Variants in BCLAF3 observed in about 807,000 individuals in gnomAD.
BCLAF3 encodes BCLAF1 and THRAP3 family member 3.
Under a neutral mutation model 51.2 loss-of-function variants are expected in BCLAF3, and 24 were observed. The observed-to-expected ratio is 0.47, with a 90% CI of 0.34 to 0.66. The LOEUF (loss-of-function observed/expected upper bound fraction) is 0.66, where lower values mean the gene tolerates loss of function less well. Ranked by LOEUF, BCLAF3 falls within the 30% of genes least tolerant of loss-of-function variation. The probability of loss-of-function intolerance (pLI) is 0.01; values close to 1 mark genes in which losing one functional copy is unlikely to be tolerated. For synonymous variants in BCLAF3, 152 were observed against 176.6 expected (o/e 0.86, Z 1.10); for missense variants, 465 against 525.1 (o/e 0.89, Z 1.12).
intron 9 of BCLAF3, chrX:19,937,207 A>G (rs2070798555): frequency 2.6e-6 from 1 of 385,155 alleles, no homozygotes. Flanking sequence ...TAGATTTATT[A>G]GCTTTATTTA....
rs1180254609 is a variant in BCLAF3, at chrX:19,916,218, A to G, written c.*1087T>C. ...TCCAAGGCTATAAGTCTCAAACAAA[A>G]TTAAAATAATGCTCTCACAAACTGG... On this transcript the variant is annotated 3_prime_UTR_variant, in exon 12 of 12. Coordinates refer to ENST00000379682, the MANE Select transcript of BCLAF3 (RefSeq NM_001367774.2). The G allele has an allele frequency of 8.9e-6, 1 of 112,904 alleles. No homozygotes were observed. The highest frequency in any genetic ancestry group is 1.9e-5 in the Non-Finnish European group (1 of 53,287). 9.3% of individuals were successfully genotyped at this position (112,904 alleles called of 1,213,427 possible).
intron 4 of BCLAF3, among the ~76,000 whole-genome samples, chrX:19,964,731 C>A (rs1020214293): frequency 2.7e-4 from 30 of 111,664 alleles, no homozygotes; most frequent in Non-Finnish European, 5.6e-4. Context: ...CTCTACCCAG[C>A]TAATCCTTGG....
intron 4 of BCLAF3, among the ~76,000 whole-genome samples, chrX:19,958,401 A>G (rs1171196731): frequency 8.9e-6 from 1 of 112,055 alleles, no homozygotes; most frequent in Non-Finnish European, 1.9e-5. Flanking sequence ...TACGACACAT[A>G]TAAAGTTTTC....
At chrX:19,985,166 T>A (rs2072756292) in intron 1 of BCLAF3, 1 of 111,975 alleles carries the variant, frequency 8.9e-6, no homozygotes, top group African/African-American at 3.2e-5. Flanking sequence ...AGCCTACAAA[T>A]CCAATTTTAT....
At chrX:19,989,478 AGAGT>A (rs1441963846) in intron 1 of BCLAF3, among the ~76,000 whole-genome samples, 1 of 112,369 alleles carries the variant, frequency 8.9e-6, no homozygotes, top group East Asian at 2.8e-4. Flanking sequence ...CCTGGGCGAC[AGAGT>A]GAGATTCGAA....
intron 9 of BCLAF3, 54 bp from the exon 10 acceptor site, chrX:19,935,952 A>C (rs1406269509): frequency 8.2e-6 from 8 of 980,951 alleles, no homozygotes; most frequent in Non-Finnish European, 1.2e-5. Flanking sequence ...TTTACTTTAA[A>C]AGCTTGTTTT....
intron 8 of BCLAF3, among the ~76,000 whole-genome samples, chrX:19,942,274 T>A (rs1409852036): frequency 4.0e-4 from 8 of 20,087 alleles, no homozygotes; most frequent in African/African-American, 8.5e-4. Flanking sequence ...TTCCTTCTCC[T>A]GCCTGATTGC....
At chrX:19,987,244 C>T (rs1253713081) in intron 1 of BCLAF3, among the ~76,000 whole-genome samples, 1 of 111,881 alleles carries the variant, frequency 8.9e-6, no homozygotes, top group African/African-American at 3.2e-5. Context: ...CTCCAAATAA[C>T]GTGGTCAATT....
chrX:19,982,857 C>A (rs1020520193), intron 1 of BCLAF3, among the ~76,000 whole-genome samples: 1 of 110,616 alleles, frequency 9.0e-6, no homozygotes, highest in Non-Finnish European at 1.9e-5. Context: ...GCTTAATCCA[C>A]CTATTACAAT....
intron 1 of BCLAF3, among the ~76,000 whole-genome samples, chrX:19,984,725 G>A: frequency 9.4e-6 from 1 of 106,718 alleles, no homozygotes; most frequent in Non-Finnish European, 1.9e-5. Flanking sequence ...CACTCTTGTT[G>A]CCCAGGCTGG....
intron 8 of BCLAF3, among the ~76,000 whole-genome samples, chrX:19,941,617 T>C (rs1296365416): frequency 9.1e-6 from 1 of 109,773 alleles, no homozygotes; most frequent in East Asian, 2.8e-4. Flanking sequence ...CTCTGTTCTG[T>C]TCCATTGATC....
intron 1 of BCLAF3, among the ~76,000 whole-genome samples, chrX:19,976,151 T>C (rs2072416771): frequency 8.9e-6 from 1 of 111,740 alleles, no homozygotes; most frequent in East Asian, 2.8e-4. Flanking sequence ...AAACTCCTCA[T>C]CTCCCTCCAA....
chrX:19,975,546 G>A (rs977303561), intron 1 of BCLAF3, among the ~76,000 whole-genome samples: 36 of 111,303 alleles, frequency 3.2e-4, no homozygotes, highest in Middle Eastern at 4.2e-3. Context: ...GTTTCACCAC[G>A]TTGGCCAGGC....
intron 8 of BCLAF3, among the ~76,000 whole-genome samples, chrX:19,945,245 T>G (rs1223723639): frequency 2.8e-5 from 3 of 109,041 alleles, no homozygotes; most frequent in Non-Finnish European, 5.7e-5. Context: ...CAGAGTAATT[T>G]GATCGTCTGA....
In BCLAF3 at chrX:19,965,768, G is replaced by A. The variant is rs1603332353; in HGVS notation, c.612-62C>T. The A allele has an allele frequency of 9.6e-6, 10 of 1,039,963 alleles. No individual in the cohort carries two copies. The East Asian group carries it at 2.8e-4, about 29-fold the overall frequency. 85.7% of individuals were successfully genotyped at this position (1,039,963 alleles called of 1,213,427 possible). ...GAGAAGAAAGGGAGAATTTATATGT[G>A]TAGAATGTCGGGCAGCATGGCTTTA... On this transcript the variant is annotated intron_variant, in intron 3 of 11. Transcript: ENST00000379682.
intron 1 of BCLAF3, among the ~76,000 whole-genome samples, chrX:19,972,056 T>C (rs976043983): frequency 4.5e-5 from 5 of 112,334 alleles, no homozygotes; most frequent in African/African-American, 1.6e-4. Flanking sequence ...GTACAATCAA[T>C]TCAATTCATT....
chrX:19,969,317 C>T (rs1312330448), intron 2 of BCLAF3, among the ~76,000 whole-genome samples: 1 of 111,734 alleles, frequency 8.9e-6, no homozygotes, highest in East Asian at 2.8e-4. Flanking sequence ...GGCAAGTTAT[C>T]TTAACATGAA....
intron 9 of BCLAF3, among the ~76,000 whole-genome samples, chrX:19,936,523 G>C (rs773919865): frequency 4.5e-5 from 5 of 111,896 alleles, no homozygotes; most frequent in Non-Finnish European, 9.4e-5. Flanking sequence ...ACTTTCTGCA[G>C]AGTCTGGCCA....
chrX:19,983,722 A>G (rs926090184), intron 1 of BCLAF3, among the ~76,000 whole-genome samples: 1 of 108,660 alleles, frequency 9.2e-6, no homozygotes. Context: ...CTCTAAATAA[A>G]TAAGTAAATA....
Sources: gnomAD v4.1 joint callset for allele counts (sites outside exome capture counted in the v4.1 genomes callset) on GRCh38, gnomAD v4.1.1 for gene constraint, MANE v1.5 for transcripts, NCBI Gene and HGNC (gene_info 2026-07-23, HGNC 2026-07-21) for gene names.